The following PDE11A variants were observed in gnomAD, a reference collection of about 807,000 sequenced individuals.
PDE11A encodes dual 3',5'-cyclic-AMP and -GMP phosphodiesterase 11A.
Under a neutral mutation model 100.5 loss-of-function variants are expected in PDE11A, and 100 were observed. The observed-to-expected ratio is 1.00, with a 90% CI of 0.85 to 1.18. The LOEUF is 1.18. PDE11A is among the 50% of genes most tolerant of loss of function. PDE11A has a pLI of 0.00. For synonymous variants in PDE11A, 381 were observed against 420.8 expected, an observed-to-expected ratio of 0.91 and a Z score of 1.16; for missense variants, 1,141 against 1,152.6, an observed-to-expected ratio of 0.99 and a Z score of 0.15.
At chr2:177,849,511 C>A (rs1189026624) in intron 5 of PDE11A, among the ~76,000 whole-genome samples, 1 of 152,112 alleles carries the variant, frequency 6.6e-6, no homozygotes, top group African/African-American at 2.4e-5. Flanking sequence ...AATCAATGTG[C>A]AAAAATCACA....
chr2:177,861,296 C>T (rs1343233181), intron 5 of PDE11A, among the ~76,000 whole-genome samples: 1 of 150,968 alleles, frequency 6.6e-6, no homozygotes, highest in African/African-American at 2.4e-5. Context: ...TAACATTGAA[C>T]AAATCAAATT....
At chr2:177,817,836 G>T (rs754236590) in intron 8 of PDE11A, 22 bp downstream of exon 8, 5 of 1,173,220 alleles carry the variant, frequency 4.3e-6, no homozygotes, top group African/African-American at 2.0e-5. Flanking sequence ...ACTCCACTTG[G>T]TTTATAAATT....
At chr2:177,683,224 A>G (rs1320990788) in intron 15 of PDE11A, 1 of 152,210 alleles carries the variant, frequency 6.6e-6, no homozygotes, top group African/African-American at 2.4e-5. Flanking sequence ...TCCTGGATCT[A>G]TCCTTTCAAG....
intron 2 of PDE11A, among the ~76,000 whole-genome samples, chr2:178,013,866 T>C (rs757562917): frequency 7.2e-5 from 11 of 152,190 alleles, no homozygotes; most frequent in Non-Finnish European, 1.5e-4. Context: ...ATAACATTCG[T>C]TTTTATTGAG....
intron 2 of PDE11A, among the ~76,000 whole-genome samples, chr2:178,008,850 C>A (rs903207343): frequency 1.3e-5 from 2 of 152,094 alleles, no homozygotes; most frequent in Non-Finnish European, 2.9e-5. Context: ...CGGAACATGT[C>A]GGCATGAAGG....
At chr2:177,690,416 A>G (rs2081025579) in intron 15 of PDE11A, among the ~76,000 whole-genome samples, 2 of 152,224 alleles carry the variant, frequency 1.3e-5, no homozygotes, top group African/African-American at 2.4e-5. Flanking sequence ...GACACTGAAC[A>G]TAGCTGGCTT....
chr2:177,772,065 T>C (rs148327409), intron 9 of PDE11A, among the ~76,000 whole-genome samples: 1 of 152,170 alleles, frequency 6.6e-6, no homozygotes, highest in East Asian at 1.9e-4. Flanking sequence ...ACTAATATAG[T>C]TATTAACAAA....
Position 177,820,279 on chromosome 2 carries a change from C to T in PDE11A, c.1517G>A (p.Gly506Asp). 6.3e-7 allele frequency: 1 copy of T among 1,581,146 alleles called. No individual in the cohort carries two copies. The highest frequency in any genetic ancestry group is 8.7e-7 in the Non-Finnish European group (1 of 1,150,592). The change falls in exon 7 of 20, where the codon GGT becomes GAT. Residue 506 changes from glycine to aspartate, a missense_variant. Coordinates refer to ENST00000286063, the MANE Select transcript of PDE11A (RefSeq NM_016953.4). ...RFDAEADQISGFHIRSVLCVP... is the reference protein window; with the variant it reads ...RFDAEADQISDFHIRSVLCVP... ...ACAAAGAACAGATCTTATGTGAAAA[C>T]CAGATATCTGGTCTGCCTAGGAAAC...
intron 17 of PDE11A, among the ~76,000 whole-genome samples, chr2:177,675,240 C>A (rs2080750585): frequency 6.9e-6 from 1 of 144,284 alleles, no homozygotes; most frequent in Non-Finnish European, 1.5e-5. Context: ...GTCAGAAATA[C>A]TATTGCTTAG....
intron 2 of PDE11A, among the ~76,000 whole-genome samples, chr2:177,911,508 A>G (rs1392334237): frequency 6.6e-6 from 1 of 152,214 alleles, no homozygotes; most frequent in Non-Finnish European, 1.5e-5. Flanking sequence ...TGGCTAAGGC[A>G]TGCCTTTTTC....
At chr2:177,970,362 A>G (rs1275893902) in intron 2 of PDE11A, among the ~76,000 whole-genome samples, 1 of 152,156 alleles carries the variant, frequency 6.6e-6, no homozygotes, top group African/African-American at 2.4e-5. Context: ...TTTAAAGGTT[A>G]TAGATCCAAG....
At chr2:177,671,747 G>A (rs1364452343) in intron 17 of PDE11A, among the ~76,000 whole-genome samples, 1 of 151,992 alleles carries the variant, frequency 6.6e-6, no homozygotes, top group Non-Finnish European at 1.5e-5. Context: ...CTCACATCCA[G>A]AAAATAAAAT....
At chr2:177,695,697 G>GTGTTA (rs1574052977) in intron 15 of PDE11A, among the ~76,000 whole-genome samples, 1 of 152,114 alleles carries the variant, frequency 6.6e-6, no homozygotes, top group East Asian at 1.9e-4. Flanking sequence ...GCCTTCTAAA[G>GTGTTA]GTAGAATAAG....
At chr2:177,852,484 CT>C (rs1468935503) in intron 5 of PDE11A, among the ~76,000 whole-genome samples, 1 of 152,092 alleles carries the variant, frequency 6.6e-6, no homozygotes, top group Non-Finnish European at 1.5e-5. Flanking sequence ...GCATTCCTTA[CT>C]TTTTTCCCCC....
intron 5 of PDE11A, among the ~76,000 whole-genome samples, chr2:177,873,991 A>C (rs960330595): frequency 6.6e-6 from 1 of 152,112 alleles, no homozygotes; most frequent in African/African-American, 2.4e-5. Context: ...AGAATCTCTC[A>C]GTGTATGTTC....
chr2:177,890,862 C>A lies in PDE11A; in HGVS notation c.1302+7196G>T, dbSNP rs556779510. 7.2e-5 allele frequency among the ~76,000 whole-genome samples: 11 copies of A among 152,178 alleles called. No homozygotes were observed. In the East Asian group the frequency reaches 1.9e-3, roughly 27 times the overall value. On this transcript the variant is annotated intron_variant, in intron 4 of 19. Coordinates refer to ENST00000286063, the MANE Select transcript of PDE11A (RefSeq NM_016953.4). ...TGAAAATGTAATCTCATTTATGTACCCATGTTCTGATAAAAACAGCTTCTT... is the reference window on the plus strand; with the variant it reads ...TGAAAATGTAATCTCATTTATGTACACATGTTCTGATAAAAACAGCTTCTT...
At position 177,924,267 on chromosome 2, in the gene PDE11A, T is replaced by C. The variant is rs141564683; in HGVS notation, c.1072-19080A>G. On this transcript the variant is annotated intron_variant, in intron 2 of 19. Transcript: ENST00000286063. Reference sequence around the variant, plus strand: ...TGTACTTTGGATTTATATTGATATATTATAGCATCCATGGCCATGATCAAA... The same window carrying C: ...TGTACTTTGGATTTATATTGATATACTATAGCATCCATGGCCATGATCAAA... Among the ~76,000 whole-genome samples, 18 of 152,334 alleles carry C rather than the reference T, an allele frequency of 1.2e-4. No homozygotes were observed. The East Asian group carries it at 3.5e-3, about 29-fold the overall frequency.
chr2:178,074,772 G>A (rs761179126), upstream of PDE11A, among the ~76,000 whole-genome samples: 19 of 152,288 alleles, frequency 1.2e-4, no homozygotes, highest in Admixed American at 6.5e-4. Flanking sequence ...AGAGAAATCC[G>A]AAAAACTGAA....
intron 6 of PDE11A, among the ~76,000 whole-genome samples, chr2:177,836,865 T>C (rs1376392549): frequency 2.0e-5 from 3 of 151,950 alleles, no homozygotes; most frequent in South Asian, 2.1e-4. Flanking sequence ...AGCGAGACCA[T>C]GAACCCACCA....
Sources: gnomAD v4.1 joint callset for allele counts (sites outside exome capture counted in the v4.1 genomes callset) on GRCh38, gnomAD v4.1.1 for gene constraint, MANE v1.5 for transcripts, NCBI Gene and HGNC (gene_info 2026-07-23, HGNC 2026-07-21) for gene names.